The following NFKB1 variants were observed in gnomAD, a reference collection of about 807,000 sequenced individuals.
The protein encoded by NFKB1 is nuclear factor kappa B subunit 1.
In NFKB1, 9 loss-of-function variants were observed where a neutral mutation model predicts 105.1. The observed-to-expected ratio is 0.09, with a 90% confidence interval of 0.05 to 0.15. The LOEUF (loss-of-function observed/expected upper bound fraction) is 0.15. Ranked by LOEUF, NFKB1 falls within the 10% of genes least tolerant of loss-of-function variation. NFKB1 has a pLI of 1.00. For missense variants in NFKB1, 830 were observed against 1,203.7 expected (o/e 0.69, Z 4.59); for synonymous variants, 440 against 442.2 (o/e 1.00, Z 0.06).
At chr4:102,537,232 T>A (rs1335548407) in intron 4 of NFKB1, among the ~76,000 whole-genome samples, 3 of 152,176 alleles carry the variant, frequency 2.0e-5, no homozygotes, top group Non-Finnish European at 4.4e-5. Flanking sequence ...CTACCTAGTT[T>A]TGGAATCATT....
At chr4:102,607,090 A>C (rs1727823421) in intron 17 of NFKB1, 60 bp from the exon 18 acceptor site, 1 of 1,550,998 alleles carries the variant, frequency 6.4e-7, no homozygotes, top group Non-Finnish European at 8.9e-7. Context: ...TCAGCTTCAC[A>C]AGGGCCATCT....
At chr4:102,550,029 C>T (rs544474603) in intron 5 of NFKB1, among the ~76,000 whole-genome samples, 1 of 152,074 alleles carries the variant, frequency 6.6e-6, no homozygotes, top group East Asian at 1.9e-4. Flanking sequence ...TCTATCCTTC[C>T]TGTCACTTTT....
At chr4:102,589,615 A>C (rs1227380838) in intron 11 of NFKB1, among the ~76,000 whole-genome samples, 2 of 152,166 alleles carry the variant, frequency 1.3e-5, no homozygotes, top group African/African-American at 4.8e-5. Flanking sequence ...GAGACCTTCT[A>C]TCTAGCCCTA....
chr4:102,581,816 T>A (rs1372326468), intron 9 of NFKB1, among the ~76,000 whole-genome samples: 1 of 152,216 alleles, frequency 6.6e-6, no homozygotes, highest in Non-Finnish European at 1.5e-5. Context: ...TCATTATCAT[T>A]ACATTGGAAT....
At chr4:102,615,172 T>C (rs1336116931) in intron 23 of NFKB1, among the ~76,000 whole-genome samples, 1 of 152,196 alleles carries the variant, frequency 6.6e-6, no homozygotes, top group Non-Finnish European at 1.5e-5. Flanking sequence ...GTTCATTCAG[T>C]CATTCATTCA....
At chr4:102,570,233 C>T (rs529578270) in intron 6 of NFKB1, among the ~76,000 whole-genome samples, 25 of 152,244 alleles carry the variant, frequency 1.6e-4, no homozygotes, top group African/African-American at 6.0e-4. Flanking sequence ...ACAAGGCCTT[C>T]TTCAGTGTCT....
In NFKB1 at chr4:102,612,853, G is replaced by A. The variant is rs4648112; in HGVS notation, c.2592+247G>A. On this transcript the variant is annotated intron_variant, in intron 22 of 23. Transcript: ENST00000226574. ...ACTTCCTGTGAAAATGCTACGTAGA[G>A]GGTCAGGATTTTCACAGAACTTTAA... 9.6e-4 allele frequency among the ~76,000 whole-genome samples: 146 copies of A among 152,230 alleles called. 3 individuals carry two copies. In the East Asian group the frequency reaches 0.027, roughly 29 times the overall value.
chr4:102,616,296 G>A, intron 23 of NFKB1, 138 bp from the exon 24 acceptor site: 1 of 829,094 alleles, frequency 1.2e-6, no homozygotes. Flanking sequence ...ACCACGGTGA[G>A]CAGTCATGAC....
chr4:102,564,278 A>G (rs1723674619), intron 5 of NFKB1, among the ~76,000 whole-genome samples: 1 of 152,246 alleles, frequency 6.6e-6, no homozygotes, highest in Non-Finnish European at 1.5e-5. Context: ...CCGTAGAGCA[A>G]ATGAATTTCT....
At chr4:102,600,851 C>A in intron 15 of NFKB1, 44 bp from the exon 16 acceptor site, 1 of 1,114,826 alleles carries the variant, frequency 9.0e-7, no homozygotes, top group Non-Finnish European at 1.4e-6. Context: ...TTTTCTTTTT[C>A]ATTAACATTT....
At chr4:102,542,878 A>G (rs943832593) in intron 5 of NFKB1, among the ~76,000 whole-genome samples, 2 of 152,234 alleles carry the variant, frequency 1.3e-5, no homozygotes, top group African/African-American at 4.8e-5. Flanking sequence ...ATAGCAAAAA[A>G]TAATATTCAG....
intron 15 of NFKB1, among the ~76,000 whole-genome samples, chr4:102,598,592 A>G (rs559669924): frequency 6.6e-6 from 1 of 152,350 alleles, no homozygotes; most frequent in East Asian, 1.9e-4. Context: ...CTTGTTATAC[A>G]GTATGAGAGG....
intron 5 of NFKB1, among the ~76,000 whole-genome samples, chr4:102,544,456 C>T (rs941948769): frequency 6.6e-6 from 1 of 152,092 alleles, no homozygotes; most frequent in African/African-American, 2.4e-5. Context: ...CTCTTCCATG[C>T]ATTTGCAGAT....
intron 5 of NFKB1, 97 bp downstream of exon 5, chr4:102,538,053 G>A (rs955863180): frequency 8.3e-5 from 60 of 726,888 alleles, no homozygotes; most frequent in South Asian, 6.6e-4. Context: ...GGTTGCCTTC[G>A]CTCCTAAGCT....
In NFKB1 at chr4:102,559,951, A is replaced by AC. The variant is rs528047208; in HGVS notation, c.259-7036_259-7035insC. On this transcript the variant is annotated intron_variant, in intron 5 of 23. Coordinates refer to ENST00000226574, the MANE Select transcript of NFKB1 (RefSeq NM_003998.4). ...AGACCCTGTCCCTTTAAAAAAAAAA[A>AC]AAAAGAAAGAAAGAAAAAGAAATAT... Among the ~76,000 whole-genome samples, 907 of 151,808 alleles carry AC rather than the reference A, an allele frequency of 6.0e-3. 24 individuals are homozygous for AC. Among genetic ancestry groups the AC allele is most frequent in the Admixed American group, 0.053 (807 of 15,244 alleles).
intron 4 of NFKB1, among the ~76,000 whole-genome samples, chr4:102,536,832 A>T (rs535495756): frequency 1.3e-5 from 2 of 152,176 alleles, no homozygotes; most frequent in Non-Finnish European, 2.9e-5. Context: ...CTTTTCACCA[A>T]AAAGTGAATC....
At chr4:102,588,771 G>C (rs1254895729) in intron 11 of NFKB1, among the ~76,000 whole-genome samples, 1 of 152,164 alleles carries the variant, frequency 6.6e-6, no homozygotes, top group African/African-American at 2.4e-5. Context: ...AAGAATGACA[G>C]CCTAACATAA....
At chr4:102,545,261 A>G (rs1289814725) in intron 5 of NFKB1, among the ~76,000 whole-genome samples, 2 of 152,114 alleles carry the variant, frequency 1.3e-5, no homozygotes, top group African/African-American at 2.4e-5. Context: ...ATTCCAAATA[A>G]GAAGCCTCCA....
chr4:102,508,465 C>G (rs1739568493), intron 1 of NFKB1, among the ~76,000 whole-genome samples: 1 of 152,042 alleles, frequency 6.6e-6, no homozygotes, highest in Admixed American at 6.5e-5. Context: ...GTACTTAAAT[C>G]AGCAATTGAT....
Sources: gnomAD v4.1 joint callset for allele counts (sites outside exome capture counted in the v4.1 genomes callset) on GRCh38, gnomAD v4.1.1 for gene constraint, MANE v1.5 for transcripts, NCBI Gene and HGNC (gene_info 2026-07-23, HGNC 2026-07-21) for gene names.